MYO1H: variants seen among roughly 807,000 people sequenced by gnomAD.
The protein encoded by MYO1H is myosin IH.
A neutral mutation model predicts 149.3 loss-of-function variants in MYO1H; 118 were observed. The observed-to-expected ratio is 0.79, with a 90% CI of 0.68 to 0.92. MYO1H has a LOEUF of 0.92. Ranked by LOEUF, MYO1H falls within the 40% of genes least tolerant of loss-of-function variation. The pLI is 0.00. For missense variants in MYO1H, 1,212 were observed against 1,280.7 expected (o/e 0.95, Z 0.82); for synonymous variants, 447 against 465.2 (o/e 0.96, Z 0.50).
chr12:109,395,734 CA>C (rs112060744), intron 3 of MYO1H, among the ~76,000 whole-genome samples: 53,388 of 137,676 alleles, frequency 0.39, 9,567 homozygotes, highest in Admixed American at 0.49. Context: ...GACTCCATCT[CA>C]AAAAAAAAAA....
At chr12:109,328,514 T>G in the MYO1H span, among the ~76,000 whole-genome samples, 1 of 152,152 alleles carries the variant, frequency 6.6e-6, no homozygotes, top group South Asian at 2.1e-4. Context: ...CCTTTTAAAC[T>G]GATGAGACAA....
At chr12:109,372,450 T>C (rs1186402840) in intron 1 of MYO1H, among the ~76,000 whole-genome samples, 2 of 152,090 alleles carry the variant, frequency 1.3e-5, no homozygotes, top group Admixed American at 6.5e-5. Flanking sequence ...TTTTTACAAT[T>C]GCATAATGCC....
chr12:109,445,845 C>T (rs1044692221), intron 31 of MYO1H: 2 of 985,110 alleles, frequency 2.0e-6, no homozygotes, highest in African/African-American at 1.7e-5. Context: ...GTCAGTGAAC[C>T]AGAAGCTGAC....
At chr12:109,337,136 AC>A in the MYO1H span, among the ~76,000 whole-genome samples, 1 of 152,230 alleles carries the variant, frequency 6.6e-6, no homozygotes, top group Admixed American at 6.5e-5. Context: ...ATACATTGTA[AC>A]TTTTCATGTC....
chr12:109,429,791 A>G (rs1409252391), intron 19 of MYO1H, among the ~76,000 whole-genome samples: 1 of 152,130 alleles, frequency 6.6e-6, no homozygotes, highest in African/African-American at 2.4e-5. Context: ...GTGAGCCATG[A>G]GGACATTTGG....
Position 109,393,598 on chromosome 12 carries a change from CCTATCCATCCACCTAT to C in MYO1H, c.290+164_290+179del, listed in dbSNP as rs1489139391. Among the ~76,000 whole-genome samples the C allele has an allele frequency of 1.4e-3, 112 of 78,678 alleles. 1 individual carries two copies. The East Asian group carries it at 0.026, about 18-fold the overall frequency. 51.6% of individuals were successfully genotyped at this position (78,678 alleles called of 152,430 possible). On this transcript the variant is annotated intron_variant, in intron 3 of 31. Coordinates refer to ENST00000310903, the Ensembl canonical transcript of MYO1H. ...ATCCGCCCACCCATCCATTCATCCA[CCTATCCATCCACCTAT>C]CTATCCATCCATCCACATATCCATC...
chr12:109,332,888 C>G, the MYO1H span, among the ~76,000 whole-genome samples: 40 of 152,172 alleles, frequency 2.6e-4, no homozygotes, highest in Non-Finnish European at 5.4e-4. Context: ...CAGCCTGGTG[C>G]AGATCTTAAT....
chr12:109,322,381 A>C, the MYO1H span, among the ~76,000 whole-genome samples: 3 of 152,168 alleles, frequency 2.0e-5, no homozygotes, highest in Non-Finnish European at 2.9e-5. Context: ...ATGCATTTCA[A>C]AATACTCAAA....
At chr12:109,354,903 T>G (rs1266849989) in intron 1 of MYO1H, among the ~76,000 whole-genome samples, 1 of 152,198 alleles carries the variant, frequency 6.6e-6, no homozygotes, top group East Asian at 1.9e-4. Flanking sequence ...TAGACCTTTT[T>G]GGCCCAACTC....
chr12:109,382,316 A>C (rs530922422), intron 1 of MYO1H, among the ~76,000 whole-genome samples: 6 of 152,334 alleles, frequency 3.9e-5, no homozygotes, highest in African/African-American at 1.4e-4. Context: ...ACTCCTTAAG[A>C]ATGCAATTAA....
rs1870689378 is a variant in MYO1H at position 109,411,836 on chromosome 12, A to T, written c.1411-58A>T. The T allele has an allele frequency of 6.3e-6, 8 of 1,265,038 alleles. No homozygotes were observed. The South Asian group carries it at 1.1e-4, about 17-fold the overall frequency. 78.4% of individuals were successfully genotyped at this position (1,265,038 alleles called of 1,614,324 possible). Reference sequence around the variant, plus strand: ...CTGTTCCAGCTGGTGAAAGCATTTAAACTTGGCATTGATGGAGTGTGGTGC... The same window carrying T: ...CTGTTCCAGCTGGTGAAAGCATTTATACTTGGCATTGATGGAGTGTGGTGC... On this transcript the variant is annotated intron_variant, in intron 13 of 31. Coordinates refer to ENST00000310903, the Ensembl canonical transcript of MYO1H.
intron 1 of MYO1H, among the ~76,000 whole-genome samples, chr12:109,362,436 A>G (rs1868773986): frequency 6.6e-6 from 1 of 152,188 alleles, no homozygotes; most frequent in East Asian, 1.9e-4. Context: ...TTAACTTTGC[A>G]GGTTCATGAC....
exon 22 of MYO1H, chr12:109,436,491 C>A (rs75362650): frequency 6.2e-7 from 1 of 1,608,858 alleles, no homozygotes; most frequent in Non-Finnish European, 8.5e-7. Flanking sequence ...TTTTAAGTTG[C>A]AAGAATCCAA....
At chr12:109,428,407 T>C (rs916237827) in intron 19 of MYO1H, among the ~76,000 whole-genome samples, 1 of 152,188 alleles carries the variant, frequency 6.6e-6, no homozygotes, top group Non-Finnish European at 1.5e-5. Context: ...GACCTGTCAT[T>C]TCCCTTATCT....
chr12:109,381,186 A>C (rs1869198662), intron 1 of MYO1H, among the ~76,000 whole-genome samples: 1 of 152,170 alleles, frequency 6.6e-6, no homozygotes, highest in African/African-American at 2.4e-5. Context: ...GGTTGAAAAT[A>C]AATAAGCTTT....
chr12:109,406,024 T>C (rs757905756), exon 8 of MYO1H: 5 of 1,611,330 alleles, frequency 3.1e-6, no homozygotes, highest in Non-Finnish European at 3.4e-6. Flanking sequence ...TGAGATCAAG[T>C]GGATAGCCAA....
At chr12:109,441,680 A>C in exon 26 of MYO1H, 4 of 1,612,978 alleles carry the variant, frequency 2.5e-6, no homozygotes, top group Non-Finnish European at 3.4e-6. Flanking sequence ...CAGAAAGTTT[A>C]AATCAACCCT....
chr12:109,337,256 T>C, the MYO1H span, among the ~76,000 whole-genome samples: 1 of 152,210 alleles, frequency 6.6e-6, no homozygotes, highest in African/African-American at 2.4e-5. Context: ...TTGAAAGATA[T>C]TAGCTTCATA....
chr12:109,444,692 C>A (rs1872404544), intron 30 of MYO1H, among the ~76,000 whole-genome samples, 163 bp downstream of exon 30: 1 of 152,022 alleles, frequency 6.6e-6, no homozygotes, highest in South Asian at 2.1e-4. Flanking sequence ...AATGGTGAAA[C>A]CCCGTTTCTA....
Sources: gnomAD v4.1 joint callset for allele counts (sites outside exome capture counted in the v4.1 genomes callset) on GRCh38, gnomAD v4.1.1 for gene constraint, MANE v1.5 for transcripts, NCBI Gene and HGNC (gene_info 2026-07-23, HGNC 2026-07-21) for gene names.